Variants in ESRRG observed in about 807,000 individuals in gnomAD.
The protein encoded by ESRRG is estrogen-related receptor gamma.
Under a neutral mutation model 44.0 loss-of-function variants are expected in ESRRG, and 13 were observed. That is an observed-to-expected ratio of 0.30 (90% CI 0.19 to 0.47). ESRRG has a LOEUF of 0.47. Among genes scored for constraint, ESRRG ranks in the 20% least tolerant of loss-of-function variants. The pLI is 1.00. For missense variants in ESRRG, 395 were observed against 580.6 expected (o/e 0.68, Z 3.29); for synonymous variants, 215 against 214.6 (o/e 1.00, Z -0.02).
In ESRRG at chr1:216,932,088, G is replaced by A. The variant is rs957735431; in HGVS notation, c.-14+7494C>T. 9.2e-5 allele frequency among the ~76,000 whole-genome samples: 14 copies of A among 151,968 alleles called. 1 individual carries two copies. Among genetic ancestry groups the A allele is most frequent in the Non-Finnish European group, 1.3e-4 (9 of 67,980 alleles). ...ACATGGTGGCGTGCACCTGTAATCC[G>A]AGTTACTCAGGAGGCTGAGGCAGGA... On this transcript the variant is annotated intron_variant, in intron 2 of 7. Coordinates refer to the ESRRG transcript ENST00000359162.
At position 216,841,385 on chromosome 1, in the gene ESRRG, C is replaced by T. The variant is rs550609799; in HGVS notation, c.-14+98197G>A. 2.0e-5 allele frequency among the ~76,000 whole-genome samples: 3 copies of T among 152,226 alleles called. No homozygotes were observed. In the East Asian group the frequency reaches 5.8e-4, roughly 29 times the overall value. ...AACATCTAACTTTTAACACCAGGGG[C>T]TGGCAATCTGGTCAGCATCAGTTTG... is the stretch of plus-strand genomic sequence containing the variant. On this transcript the variant is annotated intron_variant, in intron 2 of 7. Coordinates refer to the ESRRG transcript ENST00000359162.
At chr1:217,091,137 A>G (rs559466264), upstream of ESRRG, among the ~76,000 whole-genome samples, 5 of 152,330 alleles carry the variant, frequency 3.3e-5, no homozygotes, top group African/African-American at 7.2e-5. Flanking sequence ...GCTCTGCTTT[A>G]TCAATAATTA....
Position 216,526,083 on chromosome 1 carries a change from G to A in ESRRG, c.863-6662C>T, listed in dbSNP as rs138485118. Among the ~76,000 whole-genome samples the A allele has an allele frequency of 4.4e-3, 667 of 152,232 alleles. 6 individuals are homozygous for A. The highest frequency in any genetic ancestry group is 4.9e-3 in the Non-Finnish European group (336 of 67,998). On this transcript the variant is annotated intron_variant, in intron 5 of 6. Transcript: ENST00000408911. ...GGAAAACATTTAGCAATAAATGCCC[G>A]TAAGATAAAGGTTTATAGTCAGGAA...
intron 2 of ESRRG, among the ~76,000 whole-genome samples, chr1:216,762,793 C>T (rs1203830612): frequency 6.6e-6 from 1 of 151,976 alleles, no homozygotes; most frequent in Non-Finnish European, 1.5e-5. Context: ...TGCAACAGTT[C>T]TTAGGTCTAA....
At chr1:216,623,229 C>A (rs1427232908) in intron 3 of ESRRG, among the ~76,000 whole-genome samples, 1 of 151,818 alleles carries the variant, frequency 6.6e-6, no homozygotes, top group Non-Finnish European at 1.5e-5. Context: ...ACTACAGGGG[C>A]CCACCACCAC....
intron 2 of ESRRG, among the ~76,000 whole-genome samples, chr1:216,813,561 T>C (rs752886572): frequency 6.6e-6 from 1 of 152,194 alleles, no homozygotes; most frequent in East Asian, 1.9e-4. Context: ...ATATATTTTT[T>C]TGAAGCCAGA....
At chr1:216,602,743 C>G (rs2059415147) in intron 3 of ESRRG, among the ~76,000 whole-genome samples, 1 of 152,182 alleles carries the variant, frequency 6.6e-6, no homozygotes, top group Non-Finnish European at 1.5e-5. Flanking sequence ...ATTGCCTAGC[C>G]AAGCAACATC....
At chr1:216,763,969 G>A (rs371616332) in intron 2 of ESRRG, among the ~76,000 whole-genome samples, 2 of 152,130 alleles carry the variant, frequency 1.3e-5, no homozygotes, top group East Asian at 3.9e-4. Context: ...GGGAAAAAAA[G>A]TAAATAAAAT....
chr1:216,853,899 T>A (rs753341274), intron 2 of ESRRG, among the ~76,000 whole-genome samples: 5 of 152,180 alleles, frequency 3.3e-5, no homozygotes, highest in Non-Finnish European at 5.9e-5. Flanking sequence ...CATTTATAGG[T>A]TTTTAAGTCT....
chr1:216,953,371 C>A (rs952314124), intron 1 of ESRRG, among the ~76,000 whole-genome samples: 6 of 152,160 alleles, frequency 3.9e-5, no homozygotes, highest in Non-Finnish European at 7.4e-5. Flanking sequence ...TTATGTAACC[C>A]CCCTGTTTTC....
intron 2 of ESRRG, among the ~76,000 whole-genome samples, chr1:216,931,380 C>A (rs1310538638): frequency 6.6e-6 from 1 of 152,148 alleles, no homozygotes; most frequent in Non-Finnish European, 1.5e-5. Context: ...GAAAATAATT[C>A]TCCCTTCCTA....
chr1:216,682,279 C>A (rs1315352046), intron 1 of ESRRG, among the ~76,000 whole-genome samples: 2 of 152,192 alleles, frequency 1.3e-5, no homozygotes. Context: ...TCTTCTGCAA[C>A]TTTTACTATA....
At chr1:216,808,818 G>C (rs1033127011) in intron 2 of ESRRG, among the ~76,000 whole-genome samples, 2 of 151,714 alleles carry the variant, frequency 1.3e-5, no homozygotes, top group Non-Finnish European at 2.9e-5. Context: ...TCCCAGCTCA[G>C]GTCCCAATTT....
At chr1:216,658,645 A>G (rs549539726) in intron 2 of ESRRG, among the ~76,000 whole-genome samples, 1 of 139,638 alleles carries the variant, frequency 7.2e-6, no homozygotes, top group African/African-American at 2.7e-5. Context: ...ACATGGCGAA[A>G]CCCCATCTCT....
At chr1:216,693,623 C>A (rs771649602) in intron 1 of ESRRG, among the ~76,000 whole-genome samples, 2 of 152,126 alleles carry the variant, frequency 1.3e-5, no homozygotes, top group Non-Finnish European at 2.9e-5. Context: ...CCTAATACAA[C>A]GTAAATGCTA....
At chr1:216,973,820 C>T (rs1222650346) in intron 1 of ESRRG, among the ~76,000 whole-genome samples, 10 of 128,248 alleles carry the variant, frequency 7.8e-5, no homozygotes, top group Admixed American at 6.0e-4. Context: ...GAGTGAAACT[C>T]TGTCTCAAAA....
At chr1:216,601,435 G>C (rs1266768487) in intron 3 of ESRRG, among the ~76,000 whole-genome samples, 4 of 152,218 alleles carry the variant, frequency 2.6e-5, no homozygotes, top group African/African-American at 9.6e-5. Context: ...AAGCTGGAGG[G>C]AGCGCATCAG....
chr1:216,736,904 T>A (rs2090016691), intron 2 of ESRRG, among the ~76,000 whole-genome samples: 1 of 152,152 alleles, frequency 6.6e-6, no homozygotes, highest in Non-Finnish European at 1.5e-5. Flanking sequence ...TCTAAAGGTC[T>A]ACAGTTTCAT....
At chr1:216,913,595 T>G (rs557056066) in intron 2 of ESRRG, among the ~76,000 whole-genome samples, 9 of 152,370 alleles carry the variant, frequency 5.9e-5, no homozygotes, top group East Asian at 1.9e-4. Context: ...GCGTGAGCGC[T>G]GCACTTTTTC....
Sources: gnomAD v4.1 joint callset for allele counts (sites outside exome capture counted in the v4.1 genomes callset) on GRCh38, gnomAD v4.1.1 for gene constraint, MANE v1.5 for transcripts, NCBI Gene and HGNC (gene_info 2026-07-23, HGNC 2026-07-21) for gene names.